Variants in NCAM2 observed in about 807,000 individuals in gnomAD.
NCAM2 encodes N-CAM-2.
NCAM2 carries 30 observed loss-of-function variants against 98.1 expected under a neutral mutation model. The observed-to-expected ratio is 0.31, with a 90% CI of 0.23 to 0.41. The LOEUF (loss-of-function observed/expected upper bound fraction) is 0.41, where lower values mean the gene tolerates loss of function less well. NCAM2 is among the 10% of genes least tolerant of loss of function. NCAM2 has a pLI of 1.00. For missense variants in NCAM2, 867 were observed against 1,005.8 expected (o/e 0.86, Z 1.87); for synonymous variants, 368 against 342.4 (o/e 1.07, Z -0.83).
chr21:21,109,642 T>C (rs1307596899), intron 1 of NCAM2, among the ~76,000 whole-genome samples: 1 of 152,210 alleles, frequency 6.6e-6, no homozygotes, highest in Non-Finnish European at 1.5e-5. Flanking sequence ...TGTAAGACTT[T>C]GACAATGTGT....
intron 11 of NCAM2, among the ~76,000 whole-genome samples, chr21:21,431,660 A>G (rs576291783): frequency 6.6e-6 from 1 of 152,270 alleles, no homozygotes; most frequent in African/African-American, 2.4e-5. Flanking sequence ...AATTGTGGTG[A>G]ATGCAAAGAA....
At chr21:21,143,567 A>G (rs2067211614) in intron 1 of NCAM2, among the ~76,000 whole-genome samples, 1 of 152,124 alleles carries the variant, frequency 6.6e-6, no homozygotes, top group Non-Finnish European at 1.5e-5. Flanking sequence ...TTCACATTTC[A>G]GTCTGGTCCT....
At chr21:21,432,403 A>G (rs1049954327) in intron 12 of NCAM2, 122 bp downstream of exon 12, 6 of 845,712 alleles carry the variant, frequency 7.1e-6, no homozygotes, top group Non-Finnish European at 1.1e-5. Flanking sequence ...TGTTGGGAAG[A>G]TATTTTCTGT....
At chr21:21,471,480 GA>G (rs538159196) in intron 14 of NCAM2, among the ~76,000 whole-genome samples, 16 of 151,714 alleles carry the variant, frequency 1.1e-4, no homozygotes, top group African/African-American at 3.9e-4. Context: ...TGAATAACTT[GA>G]AAAAATGGTT....
At chr21:21,354,034 A>G (rs2075407592) in intron 8 of NCAM2, among the ~76,000 whole-genome samples, 1 of 152,154 alleles carries the variant, frequency 6.6e-6, no homozygotes, top group African/African-American at 2.4e-5. Flanking sequence ...TTTTGCCTCT[A>G]GAATTCTTAC....
chr21:21,357,103 T>C (rs558368871), intron 8 of NCAM2, among the ~76,000 whole-genome samples: 17 of 152,216 alleles, frequency 1.1e-4, no homozygotes, highest in Non-Finnish European at 4.4e-5. Context: ...AGTCATTTTT[T>C]ATGAATATAC....
chr21:21,125,496 A>AATATATTATATATTACATATT (rs1403114961), intron 1 of NCAM2, among the ~76,000 whole-genome samples: 3 of 109,164 alleles, frequency 2.7e-5, no homozygotes, highest in Admixed American at 1.1e-4. Context: ...ATATATATGT[A>AATATATTATATATTACATATT]ATATGTAATA....
intron 1 of NCAM2, among the ~76,000 whole-genome samples, chr21:21,221,957 G>A (rs76516902): frequency 6.6e-6 from 1 of 152,106 alleles, no homozygotes; most frequent in Non-Finnish European, 1.5e-5. Flanking sequence ...GCAGGGGGTG[G>A]CTAATGCAGC....
chr21:21,435,867 T>G (rs1978311587), intron 12 of NCAM2, among the ~76,000 whole-genome samples: 2 of 152,116 alleles, frequency 1.3e-5, no homozygotes, highest in African/African-American at 2.4e-5. Context: ...GAAAACCAAG[T>G]TTTTAAGGAT....
intron 8 of NCAM2, among the ~76,000 whole-genome samples, chr21:21,339,774 C>G (rs1284529039): frequency 6.6e-6 from 1 of 151,740 alleles, no homozygotes; most frequent in Non-Finnish European, 1.5e-5. Context: ...ATAAATTCAC[C>G]AAAAAAGTAA....
intron 12 of NCAM2, among the ~76,000 whole-genome samples, chr21:21,457,186 GA>G (rs1437694672): frequency 6.8e-6 from 1 of 147,500 alleles, no homozygotes; most frequent in African/African-American, 2.5e-5. Context: ...GCCCACAAGG[GA>G]AAAAAGAGCT....
chr21:21,156,676 A>C (rs981157499), intron 1 of NCAM2, among the ~76,000 whole-genome samples: 1 of 151,998 alleles, frequency 6.6e-6, no homozygotes, highest in Non-Finnish European at 1.5e-5. Context: ...TTCTTTAATG[A>C]TATTTTTTAG....
intron 1 of NCAM2, among the ~76,000 whole-genome samples, chr21:21,186,557 A>G (rs1277743792): frequency 3.3e-5 from 5 of 152,198 alleles, no homozygotes; most frequent in Non-Finnish European, 7.4e-5. Context: ...TTTCCTGTCT[A>G]TACAAAACAG....
At chr21:21,414,471 G>GTT in intron 10 of NCAM2, among the ~76,000 whole-genome samples, 1 of 72,330 alleles carries the variant, frequency 1.4e-5, no homozygotes, top group East Asian at 6.3e-4. Flanking sequence ...TTTTTGTTGT[G>GTT]TGTTTTTTTT....
At chr21:21,359,535 A>T (rs1184276358) in intron 8 of NCAM2, among the ~76,000 whole-genome samples, 1 of 151,964 alleles carries the variant, frequency 6.6e-6, no homozygotes, top group Non-Finnish European at 1.5e-5. Context: ...TATTATTTTG[A>T]AGTCTATAAT....
intron 9 of NCAM2, among the ~76,000 whole-genome samples, chr21:21,399,641 A>G (rs902578044): frequency 2.6e-5 from 4 of 152,168 alleles, no homozygotes; most frequent in African/African-American, 9.7e-5. Flanking sequence ...TGGATTGTAT[A>G]TCGTGAGTTT....
At chr21:21,265,438 TTA>T (rs1476749571) in intron 1 of NCAM2, among the ~76,000 whole-genome samples, 27 of 37,070 alleles carry the variant, frequency 7.3e-4, no homozygotes, top group East Asian at 0.012. Context: ...TGTATATATA[TTA>T]TATATACACA....
intron 15 of NCAM2, among the ~76,000 whole-genome samples, chr21:21,486,099 T>C (rs900682840): frequency 6.6e-6 from 1 of 151,836 alleles, no homozygotes; most frequent in Non-Finnish European, 1.5e-5. Flanking sequence ...GTCAGGAGAT[T>C]GAGACCATCC....
chr21:21,097,067 C>T (rs533128150), intron 1 of NCAM2, among the ~76,000 whole-genome samples: 9 of 151,626 alleles, frequency 5.9e-5, no homozygotes, highest in East Asian at 1.9e-4. Context: ...TTATTTTTGT[C>T]GGCCAATTCC....
Sources: gnomAD v4.1 joint callset for allele counts (sites outside exome capture counted in the v4.1 genomes callset) on GRCh38, gnomAD v4.1.1 for gene constraint, MANE v1.5 for transcripts, NCBI Gene and HGNC (gene_info 2026-07-23, HGNC 2026-07-21) for gene names.